Variants in GREB1 observed in about 807,000 individuals in gnomAD.
GREB1 encodes protein GREB1.
In GREB1, 106 loss-of-function variants were observed where a neutral mutation model predicts 200.7. The observed-to-expected ratio is 0.53, with a 90% CI of 0.45 to 0.62. GREB1 has a LOEUF of 0.62. Ranked by LOEUF, GREB1 falls within the 20% of genes least tolerant of loss-of-function variation. GREB1 has a pLI of 0.00. For missense variants in GREB1, 2,243 were observed against 2,556.8 expected, an observed-to-expected ratio of 0.88 and a Z score of 2.65; for synonymous variants, 1,132 against 1,092.4, an observed-to-expected ratio of 1.04 and a Z score of -0.72.
chr2:11,523,567 C>T (rs550200704), intron 1 of GREB1, among the ~76,000 whole-genome samples: 4 of 152,106 alleles, frequency 2.6e-5, no homozygotes, highest in East Asian at 1.9e-4. Flanking sequence ...ATCCTGTCCT[C>T]GACACAGAGA....
At chr2:11,584,350 T>C (rs1467007371) in intron 7 of GREB1, among the ~76,000 whole-genome samples, 1 of 152,162 alleles carries the variant, frequency 6.6e-6, no homozygotes, top group African/African-American at 2.4e-5. Context: ...TTGGAGTGGA[T>C]GCGCTGCTCT....
At chr2:11,554,983 T>C (rs59636084) in intron 1 of GREB1, among the ~76,000 whole-genome samples, 1,594 of 152,214 alleles carry the variant, frequency 0.01, 33 homozygotes, top group African/African-American at 0.035. Flanking sequence ...AAAGAGGGAA[T>C]CAGAGGGAAA....
chr2:11,614,781 T>C (rs978927248), intron 19 of GREB1, among the ~76,000 whole-genome samples: 2 of 152,168 alleles, frequency 1.3e-5, no homozygotes, highest in Non-Finnish European at 2.9e-5. Context: ...GCCAGGATGG[T>C]CTCGATCTCC....
At chr2:11,515,035 TATCC>T (rs915749654) in intron 1 of GREB1, among the ~76,000 whole-genome samples, 12 of 149,902 alleles carry the variant, frequency 8.0e-5, no homozygotes, top group Middle Eastern at 3.4e-3. Context: ...ACCATCTATC[TATCC>T]ATCCATCCAT....
At chr2:11,615,745 G>A (rs903576989) in intron 20 of GREB1, among the ~76,000 whole-genome samples, 1 of 152,224 alleles carries the variant, frequency 6.6e-6, no homozygotes, top group Non-Finnish European at 1.5e-5. Context: ...AGGCTCATTT[G>A]CAGACTCTTC....
rs1401697185 is a variant in GREB1 at position 11,629,938 on chromosome 2, C to A, written c.4450-10C>A. On this transcript the variant is annotated splice_polypyrimidine_tract_variant and intron_variant, in intron 25 of 32. Coordinates refer to ENST00000381486, the MANE Select transcript of GREB1 (RefSeq NM_014668.4). This position sits in a 1 kb window ranked among gnomAD's most constrained non-coding sequence, Gnocchi z 5.2. ...TGACGGCAAGCTCTGTCCTTTCCCC[C>A]ACACCCCAGCTGTATGAGTCCACCC... is the stretch of plus-strand genomic sequence containing the variant. 3 of 1,613,248 alleles carry A rather than the reference C, an allele frequency of 1.9e-6. No homozygotes were observed. The highest frequency in any genetic ancestry group is 2.5e-6 in the Non-Finnish European group (3 of 1,179,526).
At chr2:11,613,164 C>G (rs1249289462) in intron 19 of GREB1, among the ~76,000 whole-genome samples, 1 of 152,192 alleles carries the variant, frequency 6.6e-6, no homozygotes, top group Non-Finnish European at 1.5e-5. Context: ...CCTGGAAAGT[C>G]TTAGCCACAT....
At chr2:11,599,933 C>T (rs957514697) in intron 15 of GREB1, among the ~76,000 whole-genome samples, 4 of 152,108 alleles carry the variant, frequency 2.6e-5, no homozygotes, top group African/African-American at 9.7e-5. Context: ...GGTGGTTTAC[C>T]GGGATTGGTC....
chr2:11,589,161 A>G (rs1444806682), intron 10 of GREB1, among the ~76,000 whole-genome samples: 2 of 152,222 alleles, frequency 1.3e-5, no homozygotes, highest in African/African-American at 4.8e-5. Flanking sequence ...TTTATCTGCC[A>G]TTCTAGGCAC....
intron 1 of GREB1, among the ~76,000 whole-genome samples, chr2:11,554,401 C>T (rs1676233095): frequency 6.6e-6 from 1 of 152,150 alleles, no homozygotes; most frequent in South Asian, 2.1e-4. Flanking sequence ...CGTGACTCTA[C>T]CAGTTATTAT....
chr2:11,571,953 C>T (rs1039765876), intron 4 of GREB1, among the ~76,000 whole-genome samples: 6 of 152,282 alleles, frequency 3.9e-5, no homozygotes, highest in Middle Eastern at 3.4e-3. Flanking sequence ...CCTCCTGCTC[C>T]GCCTGCCTGC....
At chr2:11,603,699 C>T (rs985218472) in intron 17 of GREB1, among the ~76,000 whole-genome samples, 4 of 152,216 alleles carry the variant, frequency 2.6e-5, no homozygotes, top group African/African-American at 7.2e-5. Flanking sequence ...GCTGAGCTCT[C>T]ATCAACTGGC....
chr2:11,512,774 A>T (rs1481415793), intron 1 of GREB1, among the ~76,000 whole-genome samples: 2 of 152,226 alleles, frequency 1.3e-5, no homozygotes, highest in Non-Finnish European at 2.9e-5. Context: ...AACACATGGC[A>T]TGTGCTCAGT....
At chr2:11,534,696 T>G (rs1228241272) in intron 1 of GREB1, among the ~76,000 whole-genome samples, 1 of 152,212 alleles carries the variant, frequency 6.6e-6, no homozygotes, top group Non-Finnish European at 1.5e-5. Context: ...TGGCCCTCAG[T>G]CTTCCTGAGG....
At chr2:11,537,849 A>T (rs1674370000) in intron 1 of GREB1, among the ~76,000 whole-genome samples, 2 of 151,542 alleles carry the variant, frequency 1.3e-5, no homozygotes, top group Admixed American at 1.3e-4. Context: ...AATTATCCGC[A>T]GGATCTACCT....
chr2:11,635,296 A>T lies in GREB1; in HGVS notation c.5237A>T (p.Asn1746Ile). 1.2e-6 allele frequency: 2 copies of T among 1,614,176 alleles called. No individual in the cohort carries two copies. The highest frequency in any genetic ancestry group is 1.7e-6 in the Non-Finnish European group (2 of 1,180,020). ...NRFLCDDVDF[N>I]LRVHSAGLLL... ...TTCCTGTGTGACGATGTAGACTTCAACCTGCGGGTGCACAGCGCCGGCCTC... is the reference window on the plus strand; with the variant it reads ...TTCCTGTGTGACGATGTAGACTTCATCCTGCGGGTGCACAGCGCCGGCCTC... Residue 1746 changes from asparagine to isoleucine, a missense_variant, in exon 30 of 33, where the codon AAC (asparagine) becomes ATC (isoleucine). Asn to Ile is a moderately radical substitution (Grantham distance 149, BLOSUM62 -3). Transcript: ENST00000381486.
chr2:11,544,116 A>G (rs1431929309), intron 1 of GREB1, among the ~76,000 whole-genome samples: 2 of 152,152 alleles, frequency 1.3e-5, no homozygotes, highest in African/African-American at 4.8e-5. Context: ...GATTGGTAAC[A>G]GGTGGAGTGA....
At position 11,629,859 on chromosome 2, in the gene GREB1, G is replaced by A. The variant is rs1684745998; in HGVS notation, c.4450-89G>A. 18 of 1,308,894 alleles carry A rather than the reference G, an allele frequency of 1.4e-5. No individual in the cohort carries two copies. In the Admixed American group the frequency reaches 2.0e-4, roughly 14 times the overall value. The allele number at this position is 1,308,894 out of a possible 1,614,324, so 81.1% of individuals were successfully genotyped here. A position where few individuals can be genotyped will look rare whatever the true frequency, so the allele number is the denominator to read the frequency against. On this transcript the variant is annotated intron_variant, in intron 25 of 32. Coordinates refer to ENST00000381486, the MANE Select transcript of GREB1 (RefSeq NM_014668.4). This position sits in a 1 kb window ranked among gnomAD's most constrained non-coding sequence, Gnocchi z 5.2. ...TGTAGGGAAGTGGTGACTGTGAGCT[G>A]CACGTTGTCACAGCAGAGTGGGCCT...
intron 1 of GREB1, among the ~76,000 whole-genome samples, chr2:11,525,455 C>T (rs1673840148): frequency 2.0e-5 from 3 of 149,056 alleles, no homozygotes. Context: ...TGAAATTGTA[C>T]CACTGCACTC....
Sources: allele counts gnomAD v4.1 joint callset (sites outside exome capture counted in the v4.1 genomes callset), GRCh38; gene constraint gnomAD v4.1.1; non-coding constraint Gnocchi (gnomAD v3.1); transcripts MANE v1.5; gene names NCBI Gene and HGNC (gene_info 2026-07-23, HGNC 2026-07-21).